GRIK2: variants seen among roughly 807,000 people sequenced by gnomAD.
The protein encoded by GRIK2 is glutamate receptor ionotropic, kainate 2.
Under a neutral mutation model 100.3 loss-of-function variants are expected in GRIK2, and 32 were observed. The ratio of observed to expected loss-of-function variants is 0.32; its 90% CI spans 0.24 to 0.43. GRIK2 has a LOEUF of 0.43. Ranked by LOEUF, GRIK2 falls within the 20% of genes least tolerant of loss-of-function variation. GRIK2 has a pLI of 1.00. For missense variants in GRIK2, 843 were observed against 1,114.9 expected (o/e 0.76, Z 3.47); for synonymous variants, 417 against 389.4 (o/e 1.07, Z -0.83).
intron 9 of GRIK2, among the ~76,000 whole-genome samples, chr6:101,804,578 A>G (rs1323085788): frequency 6.6e-6 from 1 of 151,928 alleles, no homozygotes; most frequent in African/African-American, 2.4e-5. Context: ...TTTTAAGGAG[A>G]AATGGAGGAG....
intron 14 of GRIK2, among the ~76,000 whole-genome samples, chr6:101,986,736 C>G (rs1794035190): frequency 6.6e-6 from 1 of 151,848 alleles, no homozygotes; most frequent in Non-Finnish European, 1.5e-5. Flanking sequence ...AAGCTTCATT[C>G]TATTACAGTT....
At chr6:102,024,505 G>T (rs1195987635) in intron 14 of GRIK2, among the ~76,000 whole-genome samples, 1 of 151,164 alleles carries the variant, frequency 6.6e-6, no homozygotes, top group Non-Finnish European at 1.5e-5. Context: ...GAAATGAATA[G>T]AAGACTGTAG....
intron 10 of GRIK2, among the ~76,000 whole-genome samples, chr6:101,833,052 G>A (rs1026379544): frequency 2.0e-5 from 3 of 152,076 alleles, no homozygotes; most frequent in Non-Finnish European, 4.4e-5. Context: ...GTGGTTGAAT[G>A]TTTTTAATGC....
chr6:101,649,022 A>G (rs1781660814), intron 4 of GRIK2, among the ~76,000 whole-genome samples: 1 of 152,056 alleles, frequency 6.6e-6, no homozygotes, highest in Non-Finnish European at 1.5e-5. Flanking sequence ...CCCATGACTC[A>G]ATTATCTTCA....
intron 2 of GRIK2, among the ~76,000 whole-genome samples, chr6:101,594,097 A>G (rs2128307666): frequency 6.6e-6 from 1 of 152,034 alleles, no homozygotes; most frequent in Middle Eastern, 3.4e-3. Flanking sequence ...TTATTAATTA[A>G]ATGAGTTATT....
intron 12 of GRIK2, among the ~76,000 whole-genome samples, chr6:101,910,839 C>CCACACACACACACGCGCACACA (rs1554284825): frequency 0.012 from 1,747 of 143,360 alleles, 49 homozygotes; most frequent in African/African-American, 0.045. Context: ...CCAACATACA[C>CCACACACACACACGCGCACACA]CACACACACA....
chr6:101,402,909 C>T (rs904820576), intron 2 of GRIK2, among the ~76,000 whole-genome samples: 1 of 152,190 alleles, frequency 6.6e-6, no homozygotes, highest in Non-Finnish European at 1.5e-5. Context: ...CTCTTCCGTC[C>T]GCGGGGGTGT....
chr6:101,651,787 G>T (rs1290477639), intron 4 of GRIK2, among the ~76,000 whole-genome samples: 1 of 152,158 alleles, frequency 6.6e-6, no homozygotes, highest in Non-Finnish European at 1.5e-5. Context: ...GGAGTAGGCA[G>T]TTGGATATAG....
intron 2 of GRIK2, among the ~76,000 whole-genome samples, chr6:101,476,855 G>T (rs981499675): frequency 6.6e-6 from 1 of 152,106 alleles, no homozygotes; most frequent in Non-Finnish European, 1.5e-5. Context: ...TCTTGCAATA[G>T]TTCAGGAAGA....
chr6:101,514,836 T>G (rs1774502007), intron 2 of GRIK2, among the ~76,000 whole-genome samples: 1 of 152,110 alleles, frequency 6.6e-6, no homozygotes, highest in South Asian at 2.1e-4. Context: ...TAAAACGACA[T>G]GGTATAATTT....
At chr6:101,906,838 C>T (rs538043536) in intron 12 of GRIK2, among the ~76,000 whole-genome samples, 15 of 151,694 alleles carry the variant, frequency 9.9e-5, no homozygotes, top group Non-Finnish European at 1.9e-4. Context: ...AATACTGGTC[C>T]GCACTAGAGT....
At chr6:101,914,066 G>A (rs1479304072) in intron 12 of GRIK2, among the ~76,000 whole-genome samples, 1 of 151,424 alleles carries the variant, frequency 6.6e-6, no homozygotes, top group Non-Finnish European at 1.5e-5. Context: ...AGATGTGTTG[G>A]TTTGGAGGTA....
intron 2 of GRIK2, among the ~76,000 whole-genome samples, chr6:101,610,187 C>A (rs1232769484): frequency 6.6e-6 from 1 of 151,064 alleles, no homozygotes; most frequent in Non-Finnish European, 1.5e-5. Context: ...AAAGAAACTG[C>A]AAAGTAAATA....
intron 11 of GRIK2, among the ~76,000 whole-genome samples, chr6:101,870,998 T>G (rs1785379597): frequency 6.6e-6 from 1 of 151,822 alleles, no homozygotes; most frequent in African/African-American, 2.4e-5. Flanking sequence ...AAAATCAGAA[T>G]TTTTACCAAT....
chr6:101,503,774 A>G (rs1773887774), intron 2 of GRIK2, among the ~76,000 whole-genome samples: 1 of 152,176 alleles, frequency 6.6e-6, no homozygotes. Context: ...CTTAATTAGT[A>G]ATAAGTTTGA....
At chr6:101,882,139 A>G (rs1786293478) in intron 11 of GRIK2, among the ~76,000 whole-genome samples, 1 of 152,074 alleles carries the variant, frequency 6.6e-6, no homozygotes. Context: ...AACCACTCCC[A>G]TGATTCAATT....
chr6:101,446,183 G>A (rs1562143435), intron 2 of GRIK2, among the ~76,000 whole-genome samples: 1 of 151,762 alleles, frequency 6.6e-6, no homozygotes, highest in Admixed American at 6.6e-5. Flanking sequence ...GGTATCCCAG[G>A]TAGTACTTAG....
intron 2 of GRIK2, among the ~76,000 whole-genome samples, chr6:101,510,144 A>G (rs1007413320): frequency 2.0e-5 from 3 of 152,190 alleles, no homozygotes; most frequent in Admixed American, 6.5e-5. Flanking sequence ...TAAAGTGCTT[A>G]TTTCTTAAGC....
chr6:102,018,385 A>G (rs1268348693), intron 14 of GRIK2, among the ~76,000 whole-genome samples: 1 of 152,084 alleles, frequency 6.6e-6, no homozygotes, highest in Non-Finnish European at 1.5e-5. Flanking sequence ...CTGATATAAC[A>G]CCAGCAATTT....
Sources: gnomAD v4.1 joint callset for allele counts (sites outside exome capture counted in the v4.1 genomes callset) on GRCh38, gnomAD v4.1.1 for gene constraint, MANE v1.5 for transcripts, NCBI Gene and HGNC (gene_info 2026-07-23, HGNC 2026-07-21) for gene names.